Variants in CEACAM19 observed in about 807,000 individuals in gnomAD.
CEACAM19 encodes the protein CEA cell adhesion molecule 19.
Under a neutral mutation model 37.6 loss-of-function variants are expected in CEACAM19, and 37 were observed. That is an observed-to-expected ratio of 0.98 (90% CI 0.76 to 1.29). CEACAM19 has a LOEUF of 1.29. Among genes scored for constraint, CEACAM19 ranks in the 50% most tolerant of loss-of-function variants. The pLI is 0.00. For synonymous variants in CEACAM19, 140 were observed against 149.8 expected, an observed-to-expected ratio of 0.93 and a Z score of 0.48; for missense variants, 340 against 375.6, an observed-to-expected ratio of 0.91 and a Z score of 0.78.
At chr19:44,680,448 GC>G (rs1974036279) in intron 5 of CEACAM19, 114 bp downstream of exon 5, 1 of 974,070 alleles carries the variant, frequency 1.0e-6, no homozygotes, top group Non-Finnish European at 1.6e-6. Context: ...CAATGCACCT[GC>G]CCCGAGACCT....
At chr19:44,678,040 AT>A (rs1005608935) in intron 3 of CEACAM19, 26 of 152,058 alleles carry the variant, frequency 1.7e-4, no homozygotes, top group African/African-American at 5.8e-4. Flanking sequence ...GTGCAGTGGC[AT>A]GATCATAGTT....
At chr19:44,674,317 TA>T (rs964394095) in intron 2 of CEACAM19, among the ~76,000 whole-genome samples, 10 of 151,002 alleles carry the variant, frequency 6.6e-5, no homozygotes, top group Non-Finnish European at 1.3e-4. Context: ...TGTATGCCCT[TA>T]TTTTTTTTTT....
At chr19:44,679,748 CA>C (rs200399838) in intron 4 of CEACAM19, among the ~76,000 whole-genome samples, 1,966 of 137,036 alleles carry the variant, frequency 0.014, 49 homozygotes, top group African/African-American at 0.05. Context: ...GACTCTGTCT[CA>C]AAAAAAAAAA....
chr19:44,681,751 G>A (rs1974064181), intron 6 of CEACAM19, among the ~76,000 whole-genome samples: 1 of 150,054 alleles, frequency 6.7e-6, no homozygotes, highest in African/African-American at 2.5e-5. Flanking sequence ...CCAACATGGT[G>A]AAACCCCGTC....
rs991850080 is a variant in CEACAM19, at chr19:44,679,007, TTCAGAG to T, written c.659+75_659+80del. On this transcript the variant is annotated intron_variant, in intron 4 of 7. Transcript: ENST00000358777. Reference sequence around the variant, plus strand: ...TAGCGGTGTCAAGAGTACTTTTGTTTTCAGAGTCAAAGTCTCACTCTGTTGCCAAGG... The same window carrying T: ...TAGCGGTGTCAAGAGTACTTTTGTTTTCAAAGTCTCACTCTGTTGCCAAGG... The T allele has an allele frequency of 3.9e-5, 62 of 1,586,316 alleles. No individual in the cohort carries two copies. In the African/African-American group the frequency reaches 5.0e-4, roughly 13 times the overall value.
intron 3 of CEACAM19, among the ~76,000 whole-genome samples, chr19:44,676,860 C>G (rs924624677): frequency 6.6e-6 from 1 of 152,162 alleles, no homozygotes; most frequent in African/African-American, 2.4e-5. Flanking sequence ...AAGTGATCCT[C>G]CAGCTTTGGC....
upstream of CEACAM19, among the ~76,000 whole-genome samples, chr19:44,668,042 A>C (rs1327305206): frequency 1.2e-5 from 1 of 85,330 alleles, no homozygotes; most frequent in Non-Finnish European, 2.0e-5. Context: ...ATATATTTAT[A>C]TGTTTATGTA....
At chr19:44,677,341 G>A (rs1973968975) in intron 3 of CEACAM19, among the ~76,000 whole-genome samples, 1 of 151,992 alleles carries the variant, frequency 6.6e-6, no homozygotes, top group Non-Finnish European at 1.5e-5. Flanking sequence ...GTGTAGACCG[G>A]CTCTCCAAAG....
intron 7 of CEACAM19, 89 bp from the exon 8 acceptor site, chr19:44,683,348 G>C (rs985118752): frequency 1.9e-6 from 1 of 529,264 alleles, no homozygotes; most frequent in Non-Finnish European, 3.5e-6. Flanking sequence ...TCCATCTCAC[G>C]CTGTCTCTCA....
chr19:44,671,940 T>C lies in CEACAM19; in HGVS notation c.9T>C (p.Ile3=). 6.2e-7 allele frequency: 1 copy of C among 1,606,076 alleles called. No individual in the cohort carries two copies. The highest frequency in any genetic ancestry group is 8.5e-7 in the Non-Finnish European group (1 of 1,176,616). The change falls in exon 1 of 8, where the codon ATT becomes ATC. Residue 3 remains isoleucine (I), a synonymous_variant. Coordinates refer to ENST00000358777, the MANE Select transcript of CEACAM19 (RefSeq NM_001127893.3). ME[I]PMGTQGCFSK... is the part of the protein sequence containing the mutation. The stretch of plus-strand genomic sequence containing the variant: ...TTCCACAAGACGCCAAGATGGAGAT[T>C]CCCATGGGGACCCAGGGCTGCTTCT...
Position 44,682,550 on chromosome 19 carries a change from G to A in CEACAM19, c.793-17G>A, listed in dbSNP as rs759030646. The stretch of plus-strand genomic sequence containing the variant: ...GGGGGTGCCGAGCGCCCACTCACCC[G>A]TGTCCTTCCCTTGCAGCCCCTGCCC... On this transcript the variant is annotated splice_polypyrimidine_tract_variant and intron_variant, in intron 6 of 7. Transcript: ENST00000358777. 1.1e-5 allele frequency: 17 copies of A among 1,590,986 alleles called. No homozygotes were observed. In the East Asian group the frequency reaches 1.4e-4, roughly 13 times the overall value.
At position 44,680,396 on chromosome 19, in the gene CEACAM19, A is replaced by G. The variant is rs375611321; in HGVS notation, c.706+62A>G. The G allele has an allele frequency of 4.2e-6, 6 of 1,439,170 alleles. No homozygotes were observed. In the African/African-American group the frequency reaches 8.5e-5, roughly 20 times the overall value. The allele number at this position is 1,439,170 out of a possible 1,614,324, so 89.2% of individuals were successfully genotyped here. ...CCTCTCAGCTCCTCCTTTCTCCCCTATAGCCACAAGCCCGCTTATTCTCCC... is the reference window on the plus strand; with the variant it reads ...CCTCTCAGCTCCTCCTTTCTCCCCTGTAGCCACAAGCCCGCTTATTCTCCC... On this transcript the variant is annotated intron_variant, in intron 5 of 7. Transcript: ENST00000358777.
upstream of CEACAM19, among the ~76,000 whole-genome samples, chr19:44,669,884 C>G (rs59569105): frequency 1.3e-5 from 2 of 152,162 alleles, no homozygotes; most frequent in African/African-American, 2.4e-5. Context: ...GTCTGCCCCC[C>G]CAAACCCTAC....
chr19:44,670,780 A>AG (rs976444597), upstream of CEACAM19, among the ~76,000 whole-genome samples: 5 of 118,824 alleles, frequency 4.2e-5, no homozygotes, highest in Non-Finnish European at 7.9e-5. Context: ...CCCTGTCTCA[A>AG]GAAAAAAAAA....
chr19:44,679,255 T>C (rs1974010884), intron 4 of CEACAM19, among the ~76,000 whole-genome samples: 1 of 152,160 alleles, frequency 6.6e-6, no homozygotes, highest in African/African-American at 2.4e-5. Context: ...GGTCTCCCAA[T>C]GTGCTGGGAG....
chr19:44,668,867 C>T (rs1231934562), upstream of CEACAM19, among the ~76,000 whole-genome samples: 4 of 124,590 alleles, frequency 3.2e-5, no homozygotes, highest in Non-Finnish European at 5.1e-5. Flanking sequence ...TTGCCCAGGC[C>T]GGAGTGCAGT....
At chr19:44,683,021 C>T (rs1974089717) in intron 7 of CEACAM19, 1 of 259,912 alleles carries the variant, frequency 3.8e-6, no homozygotes, top group African/African-American at 2.3e-5. Flanking sequence ...CAGTGGCCTA[C>T]ATATGTCTGT....
chr19:44,680,611 C>T (rs1187078443), intron 5 of CEACAM19, among the ~76,000 whole-genome samples: 1 of 152,014 alleles, frequency 6.6e-6, no homozygotes, highest in Non-Finnish European at 1.5e-5. Flanking sequence ...GCCTCCTAGA[C>T]CCCCCACACC....
At chr19:44,679,882 A>G (rs1223828536) in intron 4 of CEACAM19, among the ~76,000 whole-genome samples, 1 of 152,194 alleles carries the variant, frequency 6.6e-6, no homozygotes, top group East Asian at 1.9e-4. Context: ...GTGAGCTGAG[A>G]TCACGCCATT....
Sources: allele counts gnomAD v4.1 joint callset (sites outside exome capture counted in the v4.1 genomes callset), GRCh38; gene constraint gnomAD v4.1.1; transcripts MANE v1.5; gene names NCBI Gene and HGNC (gene_info 2026-07-23, HGNC 2026-07-21).